The following TLCD4 variants were observed in gnomAD, a reference collection of about 807,000 sequenced individuals.
TLCD4 encodes the protein TLC domain containing 4, also known as TLC domain-containing protein 4.
In TLCD4, 7 loss-of-function variants were observed where a neutral mutation model predicts 24.2. The observed-to-expected ratio is 0.29, with a 90% CI of 0.16 to 0.54. The LOEUF is 0.54. Among genes scored for constraint, TLCD4 ranks in the 20% least tolerant of loss-of-function variants. The probability of loss-of-function intolerance (pLI) is 0.95; values close to 1 mark genes in which losing one functional copy is unlikely to be tolerated. For missense variants in TLCD4, 259 were observed against 313.9 expected (o/e 0.82, Z 1.32); for synonymous variants, 103 against 106.4 (o/e 0.97, Z 0.20).
In TLCD4 at chr1:95,186,309, CCTAGCTACT is replaced by C. The variant is rs1331460270; in HGVS notation, c.474-5238_474-5230del. Among the ~76,000 whole-genome samples the C allele has an allele frequency of 4.6e-5, 7 of 152,082 alleles. No homozygotes were observed. In the East Asian group the frequency reaches 1.4e-3, roughly 29 times the overall value. On this transcript the variant is annotated intron_variant, in intron 6 of 6. Coordinates refer to ENST00000370203, the MANE Select transcript of TLCD4 (RefSeq NM_152487.3). Reference sequence around the variant, plus strand: ...CCCAGGCGGCCTGACTGCAGAGCACCCTAGCTACTCTTCACGTCATTCTGTATTGCCTAA... The same window carrying C: ...CCCAGGCGGCCTGACTGCAGAGCACCCTTCACGTCATTCTGTATTGCCTAA...
the TLCD4 span, among the ~76,000 whole-genome samples, chr1:95,111,323 A>G: frequency 2.8e-3 from 358 of 128,276 alleles, 5 homozygotes; most frequent in East Asian, 8.5e-3. Context: ...CAAAACAAAA[A>G]AAAAGAAAAG....
intron 5 of TLCD4, among the ~76,000 whole-genome samples, chr1:95,167,098 C>A (rs1040913617): frequency 1.3e-5 from 2 of 151,770 alleles, no homozygotes; most frequent in Non-Finnish European, 2.9e-5. Context: ...CAGTATTTTT[C>A]CTGATGGCCC....
At chr1:95,164,647 T>A (rs1479126680) in intron 5 of TLCD4, 2 of 152,200 alleles carry the variant, frequency 1.3e-5, no homozygotes, top group Non-Finnish European at 2.9e-5. Context: ...CTCTTGATAC[T>A]TTTAAAAATG....
intron 1 of TLCD4, among the ~76,000 whole-genome samples, chr1:95,118,505 C>T (rs529385934): frequency 6.6e-6 from 1 of 152,144 alleles, no homozygotes; most frequent in Non-Finnish European, 1.5e-5. Context: ...AATGTTTAAT[C>T]CAAATACCAG....
the TLCD4 span, among the ~76,000 whole-genome samples, chr1:95,104,667 A>G: frequency 6.8e-6 from 1 of 146,142 alleles, no homozygotes. Flanking sequence ...CCGTCTCAAA[A>G]AAAAAAAAAA....
At chr1:95,148,522 G>A (rs1272019002) in intron 2 of TLCD4, among the ~76,000 whole-genome samples, 180 bp from the exon 3 acceptor site, 3 of 152,178 alleles carry the variant, frequency 2.0e-5, no homozygotes, top group Admixed American at 2.0e-4. Context: ...AAGTAAAGCT[G>A]TGGCCTTTGG....
chr1:95,098,905 T>C, the TLCD4 span, among the ~76,000 whole-genome samples: 2 of 150,984 alleles, frequency 1.3e-5, no homozygotes, highest in Non-Finnish European at 3.0e-5. Context: ...TCTCTCTAAA[T>C]ACAAAATTAG....
intron 2 of TLCD4, among the ~76,000 whole-genome samples, chr1:95,147,862 GTA>G (rs2100942670): frequency 6.6e-6 from 1 of 152,242 alleles, no homozygotes; most frequent in East Asian, 1.9e-4. Context: ...AGTATCCTAA[GTA>G]TAGTTCTCTA....
chr1:95,110,884 A>G, the TLCD4 span, among the ~76,000 whole-genome samples: 1 of 144,130 alleles, frequency 6.9e-6, no homozygotes, highest in South Asian at 2.2e-4. Flanking sequence ...AAAAAAAAAA[A>G]GGATCTAAAA....
chr1:95,110,903 CAT>C, the TLCD4 span, among the ~76,000 whole-genome samples: 2 of 147,222 alleles, frequency 1.4e-5, no homozygotes, highest in Non-Finnish European at 3.0e-5. Context: ...AAGTTATAAG[CAT>C]ATAAACTGGT....
rs1553172742 is a variant in TLCD4, at chr1:95,181,580, A to AT, written c.473+7693dup. On this transcript the variant is annotated intron_variant, in intron 6 of 6. Transcript: ENST00000370203. ...CTTTAACCTGTTTTAAATTTGTTTA[A>AT]TTATTTATTTATTTATTTATTTATT... Among the ~76,000 whole-genome samples the AT allele has an allele frequency of 5.5e-3, 798 of 146,092 alleles. 5 individuals are homozygous for AT. The highest frequency in any genetic ancestry group is 6.0e-3 in the Non-Finnish European group (396 of 66,476).
intron 6 of TLCD4, among the ~76,000 whole-genome samples, chr1:95,177,211 T>G (rs1272010239): frequency 6.6e-6 from 1 of 152,226 alleles, no homozygotes; most frequent in African/African-American, 2.4e-5. Flanking sequence ...TGTCTTATGT[T>G]CCTTTGGGTT....
At chr1:95,118,079 G>T (rs1442834279) in intron 1 of TLCD4, 1 of 152,316 alleles carries the variant, frequency 6.6e-6, no homozygotes, top group Non-Finnish European at 1.5e-5. Context: ...ACACAATCGG[G>T]CGCATCAAGT....
intron 1 of TLCD4, among the ~76,000 whole-genome samples, chr1:95,132,730 G>A (rs779653333): frequency 2.0e-5 from 3 of 152,144 alleles, no homozygotes; most frequent in Non-Finnish European, 2.9e-5. Flanking sequence ...TGAAGCCACA[G>A]GTGTAGGTGA....
At chr1:95,106,996 A>G in the TLCD4 span, among the ~76,000 whole-genome samples, 1 of 152,220 alleles carries the variant, frequency 6.6e-6, no homozygotes, top group African/African-American at 2.4e-5. Context: ...CATGATTCAT[A>G]TGTATGGGTT....
the TLCD4 span, among the ~76,000 whole-genome samples, chr1:95,098,930 G>A: frequency 3.7e-4 from 56 of 151,562 alleles, no homozygotes; most frequent in African/African-American, 9.2e-4. Context: ...GTGTGGTGGC[G>A]CATGCCTGTA....
chr1:95,126,920 C>T (rs1053488562), intron 1 of TLCD4, among the ~76,000 whole-genome samples: 10 of 152,322 alleles, frequency 6.6e-5, no homozygotes, highest in African/African-American at 1.4e-4. Flanking sequence ...GACTCCACCT[C>T]GGGATTGGGG....
intron 5 of TLCD4, among the ~76,000 whole-genome samples, chr1:95,151,625 T>C (rs1677493200): frequency 6.6e-6 from 1 of 152,146 alleles, no homozygotes; most frequent in Admixed American, 6.6e-5. Flanking sequence ...GTGTGTCTGT[T>C]TGTATTCATA....
chr1:95,172,052 A>T (rs1317985068), intron 5 of TLCD4, among the ~76,000 whole-genome samples: 1 of 152,226 alleles, frequency 6.6e-6, no homozygotes, highest in Non-Finnish European at 1.5e-5. Flanking sequence ...GCTGGCAGAG[A>T]GTCCTAGAAC....
Sources: allele counts gnomAD v4.1 joint callset (sites outside exome capture counted in the v4.1 genomes callset), GRCh38; gene constraint gnomAD v4.1.1; transcripts MANE v1.5; gene names NCBI Gene and HGNC (gene_info 2026-07-23, HGNC 2026-07-21).